Variants in SH3BP5 observed in about 807,000 individuals in gnomAD.
The protein encoded by SH3BP5 is SH3 domain binding protein 5, also known as SH3 domain-binding protein 5.
In SH3BP5, 22 loss-of-function variants were observed where a neutral mutation model predicts 43.3. The ratio of observed to expected loss-of-function variants is 0.51; its 90% CI spans 0.36 to 0.73. SH3BP5 has a LOEUF of 0.73. Ranked by LOEUF, SH3BP5 falls within the 30% of genes least tolerant of loss-of-function variation. The probability of loss-of-function intolerance (pLI) is 0.00; values close to 1 mark genes in which losing one functional copy is unlikely to be tolerated. For synonymous variants in SH3BP5, 255 were observed against 225.8 expected, an observed-to-expected ratio of 1.13 and a Z score of -1.16; for missense variants, 529 against 586.9, an observed-to-expected ratio of 0.90 and a Z score of 1.02.
chr3:15,324,878 T>C (rs1308898942), intron 2 of SH3BP5, among the ~76,000 whole-genome samples: 1 of 151,476 alleles, frequency 6.6e-6, no homozygotes, highest in Non-Finnish European at 1.5e-5. Context: ...AAAAAAGTTT[T>C]AAGAGAAAAC....
intron 3 of SH3BP5, among the ~76,000 whole-genome samples, chr3:15,291,865 C>A (rs934203222): frequency 1.3e-5 from 2 of 152,124 alleles, no homozygotes; most frequent in Admixed American, 6.5e-5. Context: ...TCATCAGATT[C>A]TTCAGGGTAG....
intron 4 of SH3BP5, among the ~76,000 whole-genome samples, chr3:15,263,111 T>C (rs1696509922): frequency 6.6e-6 from 1 of 152,196 alleles, no homozygotes; most frequent in African/African-American, 2.4e-5. Context: ...AATAGCTAAA[T>C]TGGCTGTGGC....
At chr3:15,263,511 G>A (rs1696528206) in intron 4 of SH3BP5, among the ~76,000 whole-genome samples, 1 of 152,220 alleles carries the variant, frequency 6.6e-6, no homozygotes, top group Admixed American at 6.5e-5. Context: ...TTAAAACCCA[G>A]TCATTCACAT....
chr3:15,313,186 G>C (rs1239749823), intron 2 of SH3BP5, among the ~76,000 whole-genome samples: 1 of 152,234 alleles, frequency 6.6e-6, no homozygotes, highest in Non-Finnish European at 1.5e-5. Flanking sequence ...GTTTGAACCT[G>C]GGAGGCAGAG....
chr3:15,274,703 C>A (rs913349983), intron 3 of SH3BP5, among the ~76,000 whole-genome samples: 2 of 152,142 alleles, frequency 1.3e-5, no homozygotes, highest in Non-Finnish European at 2.9e-5. Context: ...TGCTAAGACA[C>A]CAATAATAAT....
At chr3:15,338,868 C>G (rs1698731958) in intron 1 of SH3BP5, among the ~76,000 whole-genome samples, 1 of 152,106 alleles carries the variant, frequency 6.6e-6, no homozygotes, top group Admixed American at 6.6e-5. Flanking sequence ...AACCTCAGAA[C>G]CCTATTGGCA....
Position 15,269,882 on chromosome 3 carries a change from G to T in SH3BP5, c.331-5C>A. On this transcript the variant is annotated splice_polypyrimidine_tract_variant and splice_region_variant and intron_variant, in intron 3 of 8. Coordinates refer to ENST00000383791, the MANE Select transcript of SH3BP5 (RefSeq NM_004844.5). Reference sequence around the variant, plus strand: ...TTTCTGAGCTTCCAGCTGAGCCTGTGTGAGAAAGAATCCTCATGAGGCCTC... The same window carrying T: ...TTTCTGAGCTTCCAGCTGAGCCTGTTTGAGAAAGAATCCTCATGAGGCCTC... The T allele has an allele frequency of 6.6e-7, 1 of 1,525,576 alleles. No homozygotes were observed. Among genetic ancestry groups the T allele is most frequent in the Non-Finnish European group, 8.8e-7 (1 of 1,132,670 alleles). The allele number at this position is 1,525,576 out of a possible 1,614,324, so 94.5% of individuals were successfully genotyped here.
At chr3:15,286,644 C>T (rs1697273466) in intron 3 of SH3BP5, among the ~76,000 whole-genome samples, 1 of 152,216 alleles carries the variant, frequency 6.6e-6, no homozygotes, top group Non-Finnish European at 1.5e-5. Flanking sequence ...GCCTCAACCT[C>T]CTGGGCTCCA....
intron 3 of SH3BP5, among the ~76,000 whole-genome samples, chr3:15,296,957 A>G (rs1046698132): frequency 2.0e-5 from 3 of 151,810 alleles, no homozygotes; most frequent in African/African-American, 7.3e-5. Flanking sequence ...TCAATCTCCC[A>G]AAATGCCAGG....
chr3:15,259,232 C>T (rs971224581), intron 6 of SH3BP5, 182 bp from the exon 7 acceptor site: 1 of 616,634 alleles, frequency 1.6e-6, no homozygotes, highest in Non-Finnish European at 2.9e-6. Context: ...TCAGCCACCA[C>T]CATCCCCAGA....
At position 15,280,654 on chromosome 3, in the gene SH3BP5, C is replaced by T. The variant is rs550435776; in HGVS notation, c.331-10777G>A. On this transcript the variant is annotated intron_variant, in intron 3 of 8. Transcript: ENST00000383791. ...ATCACACTCTCGCACTCTCTCTGTC[C>T]CCAAAACACACACGCAACATGCCCC... Among the ~76,000 whole-genome samples, 12 of 152,274 alleles carry T rather than the reference C, an allele frequency of 7.9e-5. No individual in the cohort carries two copies. In the East Asian group the frequency reaches 1.9e-3, roughly 24 times the overall value.
At chr3:15,269,384 G>A (rs530448112) in intron 4 of SH3BP5, among the ~76,000 whole-genome samples, 1 of 152,146 alleles carries the variant, frequency 6.6e-6, no homozygotes, top group African/African-American at 2.4e-5. Context: ...AGTATTGCTG[G>A]GGTTCCATGG....
chr3:15,279,999 G>T (rs375436254), intron 3 of SH3BP5, among the ~76,000 whole-genome samples: 4 of 152,168 alleles, frequency 2.6e-5, no homozygotes, highest in Non-Finnish European at 5.9e-5. Flanking sequence ...GCTGGCAGGA[G>T]GATGGTCTTG....
chr3:15,294,036 C>T (rs1206821426), intron 3 of SH3BP5, among the ~76,000 whole-genome samples: 1 of 148,306 alleles, frequency 6.7e-6, no homozygotes. Flanking sequence ...CGAGATTACG[C>T]CACTGCACTC....
intron 2 of SH3BP5, among the ~76,000 whole-genome samples, chr3:15,304,685 G>C (rs1407250222): frequency 2.0e-5 from 3 of 151,980 alleles, no homozygotes; most frequent in African/African-American, 7.3e-5. Context: ...CGTGGTAGCA[G>C]GTACCTGCTG....
At chr3:15,319,503 C>T (rs1470846905) in intron 2 of SH3BP5, among the ~76,000 whole-genome samples, 1 of 152,166 alleles carries the variant, frequency 6.6e-6, no homozygotes, top group Non-Finnish European at 1.5e-5. Context: ...AATTCTTTGG[C>T]ACTGCCCCAG....
chr3:15,287,825 C>G (rs1464059635), intron 3 of SH3BP5, among the ~76,000 whole-genome samples: 1 of 152,178 alleles, frequency 6.6e-6, no homozygotes, highest in Non-Finnish European at 1.5e-5. Context: ...TGAACCACAG[C>G]ACAGAGAAGT....
At chr3:15,281,014 G>A (rs1034324148) in intron 3 of SH3BP5, among the ~76,000 whole-genome samples, 2 of 152,174 alleles carry the variant, frequency 1.3e-5, no homozygotes, top group Non-Finnish European at 2.9e-5. Context: ...AATATTGCAC[G>A]CCGGGAAAGT....
intron 3 of SH3BP5, among the ~76,000 whole-genome samples, chr3:15,290,838 T>C (rs1697393539): frequency 6.6e-6 from 1 of 151,794 alleles, no homozygotes; most frequent in South Asian, 2.1e-4. Context: ...CCCATGAAAG[T>C]TTTAAATGGA....
Sources: gnomAD v4.1 joint callset for allele counts (sites outside exome capture counted in the v4.1 genomes callset) on GRCh38, gnomAD v4.1.1 for gene constraint, MANE v1.5 for transcripts, NCBI Gene and HGNC (gene_info 2026-07-23, HGNC 2026-07-21) for gene names.